IPO11: variants seen among roughly 807,000 people sequenced by gnomAD.
IPO11 encodes the protein importin-11.
Under a neutral mutation model 143.2 loss-of-function variants are expected in IPO11, and 66 were observed. That is an observed-to-expected ratio of 0.46 (90% CI 0.38 to 0.57). IPO11 has a LOEUF of 0.57. Ranked by LOEUF, IPO11 falls within the 20% of genes least tolerant of loss-of-function variation. The pLI, the probability that IPO11 is intolerant of heterozygous loss-of-function variation, is 0.00. For missense variants in IPO11, 1,026 were observed against 1,141.0 expected (o/e 0.90, Z 1.45); for synonymous variants, 385 against 377.8 (o/e 1.02, Z -0.22).
At chr5:62,443,165 A>G (rs1377065661) in intron 3 of IPO11, 82 bp downstream of exon 3, 11 of 827,364 alleles carry the variant, frequency 1.3e-5, no homozygotes, top group Non-Finnish European at 1.9e-5. Flanking sequence ...TTTATGTAAA[A>G]GGATGTGTTA....
At chr5:62,533,964 A>AAAAAGAAAAG (rs56277060) in intron 22 of IPO11, among the ~76,000 whole-genome samples, 4 of 148,584 alleles carry the variant, frequency 2.7e-5, no homozygotes, top group African/African-American at 7.4e-5. Context: ...AAAAAAAAAA[A>AAAAAGAAAAG]AAAGAAAGCC....
intron 27 of IPO11, among the ~76,000 whole-genome samples, chr5:62,583,989 C>G (rs1744661200): frequency 6.6e-6 from 1 of 152,088 alleles, no homozygotes; most frequent in South Asian, 2.1e-4. Context: ...GAATAGAATC[C>G]ATTTTTTCCA....
rs1318662350 is a variant in IPO11 at position 62,483,211 on chromosome 5, T to A, written c.939T>A (p.Phe313Leu). 2 of 1,610,906 alleles carry A rather than the reference T, an allele frequency of 1.2e-6. No homozygotes were observed. The highest frequency in any genetic ancestry group is 2.7e-5 in the African/African-American group (2 of 74,870). Residue 313 changes from phenylalanine (F) to leucine (L), a missense_variant, in exon 10 of 30, where the codon TTT becomes TTA. By Grantham distance (22) the Phe-to-Leu change is conservative (BLOSUM62 0). Coordinates refer to ENST00000325324, the MANE Select transcript of IPO11 (RefSeq NM_016338.5). Reference sequence around the variant, plus strand: ...CAGAAGTTGGTGAAGGCGTTACATTTGAACGATTCATTGTCCAATGTATGA... The same window carrying A: ...CAGAAGTTGGTGAAGGCGTTACATTAGAACGATTCATTGTCCAATGTATGA... ...VFTEVGEGVT[F>L]ERFIVQCMNL...
intron 24 of IPO11, among the ~76,000 whole-genome samples, chr5:62,543,321 A>G (rs575696330): frequency 6.6e-6 from 1 of 152,162 alleles, no homozygotes; most frequent in Non-Finnish European, 1.5e-5. Context: ...ATCCTGGAGT[A>G]TTTTTGGTTG....
chr5:62,488,367 T>C (rs1030885477), intron 13 of IPO11, among the ~76,000 whole-genome samples: 4 of 152,250 alleles, frequency 2.6e-5, no homozygotes, highest in African/African-American at 9.6e-5. Context: ...GGGGCATTGA[T>C]CACGTCTGTT....
chr5:62,531,144 T>A (rs998617259), intron 22 of IPO11, among the ~76,000 whole-genome samples: 1 of 152,194 alleles, frequency 6.6e-6, no homozygotes, highest in Non-Finnish European at 1.5e-5. Context: ...TTTTATTTAA[T>A]CCCTAATATT....
At chr5:62,463,245 T>C (rs557789729) in intron 5 of IPO11, among the ~76,000 whole-genome samples, 1 of 152,202 alleles carries the variant, frequency 6.6e-6, no homozygotes, top group East Asian at 2.0e-4. Context: ...AGGGTCTCAC[T>C]TTGTTGCCTA....
In IPO11 at chr5:62,427,501, G is replaced by A. The variant is rs998017591; in HGVS notation, c.-6-9773G>A. On this transcript the variant is annotated intron_variant, in intron 1 of 29. Coordinates refer to ENST00000325324, the MANE Select transcript of IPO11 (RefSeq NM_016338.5). ...GCCATGGACCAGTATCAGTCAGTCC[G>A]TGGCCTGCTAGGAACTGGGCCACAC... Among the ~76,000 whole-genome samples the A allele has an allele frequency of 3.3e-5, 5 of 152,308 alleles. No homozygotes were observed. In the South Asian group the frequency reaches 6.2e-4, roughly 19 times the overall value.
intron 29 of IPO11, among the ~76,000 whole-genome samples, chr5:62,619,608 C>T (rs1011455046): frequency 1.3e-5 from 2 of 152,076 alleles, no homozygotes; most frequent in African/African-American, 2.4e-5. Flanking sequence ...AATCCCAGCA[C>T]TTTGGGAGGC....
rs1380978374 is a variant in IPO11 at position 62,470,243 on chromosome 5, T to C, written c.650-7T>C. 2 of 1,612,976 alleles carry C rather than the reference T, an allele frequency of 1.2e-6. No individual in the cohort carries two copies. Among genetic ancestry groups the C allele is most frequent in the Non-Finnish European group, 1.7e-6 (2 of 1,179,166 alleles). ...AGATTCAAGTAAAGCTTGCTTTTGCTTTTCAGTGCTGCGTAAGTTAACTGT... is the reference window on the plus strand; with the variant it reads ...AGATTCAAGTAAAGCTTGCTTTTGCCTTTCAGTGCTGCGTAAGTTAACTGT... On this transcript the variant is annotated splice_region_variant and splice_polypyrimidine_tract_variant and intron_variant, in intron 6 of 29. Coordinates refer to ENST00000325324, the MANE Select transcript of IPO11 (RefSeq NM_016338.5).
chr5:62,503,006 G>T (rs1351350399), intron 16 of IPO11, among the ~76,000 whole-genome samples: 1 of 151,972 alleles, frequency 6.6e-6, no homozygotes, highest in Non-Finnish European at 1.5e-5. Context: ...TATTTTTTTA[G>T]TAGAGATGGG....
At chr5:62,497,772 A>T (rs1262494879) in intron 16 of IPO11, among the ~76,000 whole-genome samples, 1 of 152,174 alleles carries the variant, frequency 6.6e-6, no homozygotes, top group African/African-American at 2.4e-5. Flanking sequence ...CTGGAAAGAA[A>T]TCCTTTTTCT....
intron 24 of IPO11, among the ~76,000 whole-genome samples, chr5:62,539,832 TTTCAGC>T (rs1401391115): frequency 1.6e-4 from 25 of 152,238 alleles, no homozygotes; most frequent in Non-Finnish European, 7.3e-5. Flanking sequence ...TCTTATACAA[TTTCAGC>T]TTCAGCTTTT....
chr5:62,598,624 A>G (rs574374351), intron 28 of IPO11, among the ~76,000 whole-genome samples: 111 of 139,382 alleles, frequency 8.0e-4, no homozygotes, highest in African/African-American at 2.8e-3. Context: ...GGCTCATTGC[A>G]ACCTCTGCCT....
At chr5:62,513,996 C>T (rs1362391279) in intron 19 of IPO11, among the ~76,000 whole-genome samples, 18 of 149,230 alleles carry the variant, frequency 1.2e-4, no homozygotes, top group African/African-American at 4.3e-4. Context: ...AGACGATGGG[C>T]TGCCGGGCAG....
chr5:62,615,270 C>CAATAACAAAGAATTAT (rs1746089419), intron 29 of IPO11, among the ~76,000 whole-genome samples: 1 of 152,164 alleles, frequency 6.6e-6, no homozygotes, highest in Non-Finnish European at 1.5e-5. Context: ...CAGAACAACC[C>CAATAACAAAGAATTAT]CCTCCAATAA....
intron 15 of IPO11, among the ~76,000 whole-genome samples, chr5:62,493,723 C>A (rs565440850): frequency 2.0e-5 from 3 of 152,168 alleles, no homozygotes; most frequent in African/African-American, 7.2e-5. Flanking sequence ...TGCATGCCAC[C>A]ACGCCCTGCT....
intron 28 of IPO11, among the ~76,000 whole-genome samples, chr5:62,595,170 T>C (rs1745170817): frequency 6.6e-6 from 1 of 152,186 alleles, no homozygotes; most frequent in South Asian, 2.1e-4. Flanking sequence ...GAATCTGCAT[T>C]GCAAACAGGA....
Position 62,550,377 on chromosome 5 carries a change from A to T in IPO11, c.2261A>T (p.Asn754Ile). 1 of 1,611,456 alleles carries T rather than the reference A, an allele frequency of 6.2e-7. No individual in the cohort carries two copies. ...CTTTCTGGTTTTTAGGTTGTGGAAA[A>T]TGCCCTTAAAGTGAACCCAATACTA... Reference protein sequence around the residue: ...GQVQVLKVVENALKVNPILGP... With the variant: ...GQVQVLKVVEIALKVNPILGP... Residue 754 changes from asparagine to isoleucine, a missense_variant, in exon 25 of 30, where the codon AAT becomes ATT. Transcript: ENST00000325324.
Sources: gnomAD v4.1 joint callset for allele counts (sites outside exome capture counted in the v4.1 genomes callset) on GRCh38, gnomAD v4.1.1 for gene constraint, MANE v1.5 for transcripts, NCBI Gene and HGNC (gene_info 2026-07-23, HGNC 2026-07-21) for gene names.